The following CHTOP variants were observed in gnomAD, a reference collection of about 807,000 sequenced individuals.
CHTOP encodes the protein chromatin target of PRMT1, also known as chromatin target of PRMT1 protein.
Under a neutral mutation model 33.6 loss-of-function variants are expected in CHTOP, and 18 were observed. That is an observed-to-expected ratio of 0.54 (90% CI 0.37 to 0.80). The LOEUF is 0.80. CHTOP is among the 30% of genes least tolerant of loss of function. The probability of loss-of-function intolerance (pLI) is 0.00; values close to 1 mark genes in which losing one functional copy is unlikely to be tolerated. For missense variants in CHTOP, 263 were observed against 336.8 expected, an observed-to-expected ratio of 0.78 and a Z score of 1.71; for synonymous variants, 117 against 127.7, an observed-to-expected ratio of 0.92 and a Z score of 0.56.
chr1:153,638,892 T>TC, intron 3 of CHTOP, among the ~76,000 whole-genome samples: 1 of 151,896 alleles, frequency 6.6e-6, no homozygotes. Flanking sequence ...CTTTTTTTTT[T>TC]TTTTTTTAGA....
At chr1:153,636,438 C>A in intron 1 of CHTOP, 134 bp from the exon 2 acceptor site, 1 of 524,942 alleles carries the variant, frequency 1.9e-6, no homozygotes, top group Non-Finnish European at 3.4e-6. Context: ...AATTTAAGCA[C>A]TTGAAATGTG....
chr1:153,642,909 G>A, intron 4 of CHTOP: 1 of 362,568 alleles, frequency 2.8e-6, no homozygotes, highest in Non-Finnish European at 5.2e-6. Flanking sequence ...AGAATCTGTT[G>A]AGATCAGGAA....
intron 2 of CHTOP, chr1:153,636,950 C>T (rs979275369): frequency 2.3e-5 from 7 of 303,594 alleles, no homozygotes; most frequent in Non-Finnish European, 4.4e-5. Context: ...GGTCGTGCAG[C>T]ACGGTAGCAT....
At chr1:153,636,699 A>G in intron 2 of CHTOP, 46 bp downstream of exon 2, 1 of 1,564,494 alleles carries the variant, frequency 6.4e-7, no homozygotes. Flanking sequence ...AGAAAACATT[A>G]CTTAACTTGG....
rs1343378732 is a variant in CHTOP, at chr1:153,645,977, T to G, written c.*708T>G. 4 of 152,410 alleles carry G rather than the reference T, an allele frequency of 2.6e-5. No individual in the cohort carries two copies. The highest frequency in any genetic ancestry group is 9.6e-5 in the African/African-American group (4 of 41,452). The allele number at this position is 152,410 out of a possible 1,614,324, so 9.4% of individuals were successfully genotyped here. On this transcript the variant is annotated 3_prime_UTR_variant, in exon 6 of 6. Transcript: ENST00000368694. ...ACCTTTGTATGAGATTTACAGACTT[T>G]CCTTCTGGGTTTGTATCATGACCAG...
intron 3 of CHTOP, among the ~76,000 whole-genome samples, chr1:153,640,553 G>C (rs1396345333): frequency 6.6e-6 from 1 of 152,124 alleles, no homozygotes; most frequent in Non-Finnish European, 1.5e-5. Context: ...GCCTGGGCAG[G>C]TGGATCACCT....
At chr1:153,635,590 G>T (rs910688124) in intron 1 of CHTOP, among the ~76,000 whole-genome samples, 1 of 152,044 alleles carries the variant, frequency 6.6e-6, no homozygotes, top group Admixed American at 6.5e-5. Flanking sequence ...GGAGGCCCAG[G>T]TGGGTGGATC....
chr1:153,636,717 G>A (rs1487707887), intron 2 of CHTOP, 64 bp downstream of exon 2: 1 of 1,438,768 alleles, frequency 7.0e-7, no homozygotes, highest in Non-Finnish European at 9.7e-7. Flanking sequence ...TGGCCCTGGG[G>A]TCCAATGCAC....
At chr1:153,639,530 C>A (rs1015039012) in intron 3 of CHTOP, 2 of 317,678 alleles carry the variant, frequency 6.3e-6, no homozygotes, top group Non-Finnish European at 9.1e-6. Flanking sequence ...CCACCCTGAA[C>A]CATTGGGCTC....
chr1:153,643,063 T>G, intron 4 of CHTOP, 164 bp from the exon 5 acceptor site: 1 of 760,172 alleles, frequency 1.3e-6, no homozygotes, highest in Non-Finnish European at 2.2e-6. Flanking sequence ...TTGAATTGAT[T>G]GAATAAAGAG....
intron 2 of CHTOP, chr1:153,638,072 T>A: frequency 5.5e-6 from 3 of 545,166 alleles, no homozygotes; most frequent in Non-Finnish European, 9.9e-6. Context: ...TCGTTATCAC[T>A]TTTGGTTGAA....
At chr1:153,637,047 A>G (rs904728919) in intron 2 of CHTOP, 1 of 168,626 alleles carries the variant, frequency 5.9e-6, no homozygotes, top group African/African-American at 2.4e-5. Flanking sequence ...CAAGCCATGA[A>G]TATGTCCAAA....
chr1:153,641,002 C>T (rs1668602607), intron 3 of CHTOP, among the ~76,000 whole-genome samples: 1 of 152,182 alleles, frequency 6.6e-6, no homozygotes, highest in South Asian at 2.1e-4. Context: ...TAACTGAACG[C>T]AAGAGACTTG....
intron 3 of CHTOP, chr1:153,638,656 C>G: frequency 1.7e-6 from 1 of 597,100 alleles, no homozygotes; most frequent in East Asian, 3.0e-5. Context: ...AGGGAGTTTG[C>G]CATCTATGTG....
rs578097946 is a variant in CHTOP, at chr1:153,645,185, T to C, written c.663T>C (p.Asp221=). 11 of 1,614,218 alleles carry C rather than the reference T, an allele frequency of 6.8e-6. No individual in the cohort carries two copies. The East Asian group carries it at 2.2e-4, about 33-fold the overall frequency. The change falls in exon 6 of 6, where the codon GAT becomes GAC. Residue 221 remains aspartate (D), a synonymous_variant. Coordinates refer to ENST00000368694, the MANE Select transcript of CHTOP (RefSeq NM_015607.4). ...LTKEQLDNQL[D]AYMSKTKGHL... Reference sequence around the variant, plus strand: ...AGGAGCAGCTGGACAACCAATTGGATGCATATATGTCGAAAACAAAAGGAC... The same window carrying C: ...AGGAGCAGCTGGACAACCAATTGGACGCATATATGTCGAAAACAAAAGGAC...
rs753094476 is a variant in CHTOP at position 153,638,342 on chromosome 1, G to A, written c.113G>A (p.Arg38Gln). ...KNKQPTPVNIRASMQQQQQLA... is the reference protein window; with the variant it reads ...KNKQPTPVNIQASMQQQQQLA... Reference sequence around the variant, plus strand: ...AAACAGCCGACGCCAGTGAATATTCGGGCTTCGATGCAGCAACAACAGCAG... The same window carrying A: ...AAACAGCCGACGCCAGTGAATATTCAGGCTTCGATGCAGCAACAACAGCAG... The change falls in exon 3 of 6, where the codon CGG becomes CAG. Residue 38 changes from arginine to glutamine, a missense_variant. Physicochemically the swap from Arg to Gln is conservative, Grantham distance 43 (BLOSUM62 1). Around this residue, in one of 3 missense-constraint regions of CHTOP, gnomAD observed 73 missense variants for 108.9 expected, o/e 0.67. Coordinates refer to ENST00000368694, the MANE Select transcript of CHTOP (RefSeq NM_015607.4). 1.2e-5 allele frequency: 19 copies of A among 1,614,024 alleles called. No individual in the cohort carries two copies. Among genetic ancestry groups the A allele is most frequent in the African/African-American group, 4.0e-5 (3 of 74,914 alleles).
intron 1 of CHTOP, 136 bp from the exon 2 acceptor site, chr1:153,636,436 C>A: frequency 9.7e-6 from 5 of 516,436 alleles, no homozygotes; most frequent in South Asian, 3.4e-5. Context: ...GAAATTTAAG[C>A]ACTTGAAATG....
Sources: gnomAD v4.1 joint callset for allele counts (sites outside exome capture counted in the v4.1 genomes callset) on GRCh38, gnomAD v4.1.1 for gene constraint, gnomAD v4.1.1 regional missense constraint, MANE v1.5 for transcripts, NCBI Gene and HGNC (gene_info 2026-07-23, HGNC 2026-07-21) for gene names.